The following ITFG1 variants were observed in gnomAD, a reference collection of about 807,000 sequenced individuals.
The protein encoded by ITFG1 is integrin alpha FG-GAP repeat containing 1, also known as T-cell immunomodulatory protein.
A neutral mutation model predicts 81.8 loss-of-function variants in ITFG1; 34 were observed. That is an observed-to-expected ratio of 0.42 (90% CI 0.32 to 0.55). The LOEUF (loss-of-function observed/expected upper bound fraction) is 0.55. Among genes scored for constraint, ITFG1 ranks in the 20% least tolerant of loss-of-function variants. ITFG1 has a pLI of 0.17. For missense variants in ITFG1, 672 were observed against 755.4 expected (o/e 0.89, Z 1.29); for synonymous variants, 285 against 270.6 (o/e 1.05, Z -0.52).
intron 6 of ITFG1, among the ~76,000 whole-genome samples, chr16:47,427,294 T>A (rs1766128441): frequency 6.6e-6 from 1 of 152,168 alleles, no homozygotes; most frequent in African/African-American, 2.4e-5. Context: ...TATCACCTAA[T>A]GAACTGAAAC....
chr16:47,420,200 G>T (rs1411956465), intron 6 of ITFG1, among the ~76,000 whole-genome samples: 2 of 152,192 alleles, frequency 1.3e-5, no homozygotes, highest in African/African-American at 4.8e-5. Context: ...GGCATGAGAA[G>T]ATGCTTGATA....
At chr16:47,297,098 T>G (rs1966993912) in intron 10 of ITFG1, among the ~76,000 whole-genome samples, 1 of 152,174 alleles carries the variant, frequency 6.6e-6, no homozygotes, top group Non-Finnish European at 1.5e-5. Context: ...TGAATCTGGG[T>G]GCTCTGGTGC....
At position 47,217,004 on chromosome 16, in the gene ITFG1, G is replaced by C. The variant is rs796359500; in HGVS notation, c.1453+1864C>G. Among the ~76,000 whole-genome samples the C allele has an allele frequency of 6.7e-4, 102 of 152,168 alleles. 1 individual carries two copies. Among genetic ancestry groups the C allele is most frequent in the African/African-American group, 2.3e-3 (97 of 41,516 alleles). ...TATATGCAAATAGATGTTTACTGTT[G>C]TATTGTTGTATTATAGTAAAACAAA... On this transcript the variant is annotated intron_variant, in intron 14 of 17. Coordinates refer to ENST00000320640, the MANE Select transcript of ITFG1 (RefSeq NM_030790.5).
intron 10 of ITFG1, among the ~76,000 whole-genome samples, chr16:47,301,640 T>C (rs1232992131): frequency 2.0e-5 from 3 of 152,032 alleles, no homozygotes; most frequent in African/African-American, 7.2e-5. Context: ...AAGTGATCCG[T>C]CCACCTCAGC....
intron 16 of ITFG1, chr16:47,161,464 T>C (rs1596774525): frequency 4.8e-6 from 1 of 209,432 alleles, no homozygotes; most frequent in East Asian, 9.6e-5. Context: ...AAAGTTTGAA[T>C]TTATAACTAG....
intron 8 of ITFG1, among the ~76,000 whole-genome samples, chr16:47,319,273 T>C (rs1476647379): frequency 2.0e-5 from 3 of 152,178 alleles, no homozygotes; most frequent in East Asian, 3.8e-4. Flanking sequence ...CAGATAAAAG[T>C]TTTCCAAAAT....
intron 10 of ITFG1, among the ~76,000 whole-genome samples, chr16:47,304,834 C>T (rs1199224221): frequency 6.6e-6 from 1 of 152,002 alleles, no homozygotes; most frequent in Non-Finnish European, 1.5e-5. Flanking sequence ...GCTACTATTC[C>T]TTAGGAGTCA....
chr16:47,164,565 A>C (rs1964861878), intron 14 of ITFG1, among the ~76,000 whole-genome samples: 1 of 152,222 alleles, frequency 6.6e-6, no homozygotes, highest in Non-Finnish European at 1.5e-5. Flanking sequence ...AATATGTTGT[A>C]GCTTTTCAAA....
intron 8 of ITFG1, among the ~76,000 whole-genome samples, chr16:47,345,315 T>G (rs1967837986): frequency 6.6e-6 from 1 of 152,090 alleles, no homozygotes; most frequent in Non-Finnish European, 1.5e-5. Context: ...TTGTTTGTTT[T>G]TTTTAGACAG....
At chr16:47,370,072 C>A (rs1945428932) in intron 7 of ITFG1, among the ~76,000 whole-genome samples, 1 of 151,978 alleles carries the variant, frequency 6.6e-6, no homozygotes, top group Admixed American at 6.6e-5. Context: ...AATCTCCTGA[C>A]CTCGTGATCC....
chr16:47,242,495 T>G (rs1259980469), intron 12 of ITFG1, among the ~76,000 whole-genome samples: 6 of 152,106 alleles, frequency 3.9e-5, no homozygotes, highest in Admixed American at 6.5e-5. Context: ...CTACAGTACA[T>G]TTTATAAATC....
At chr16:47,298,682 G>T (rs1967023350) in intron 10 of ITFG1, among the ~76,000 whole-genome samples, 1 of 152,194 alleles carries the variant, frequency 6.6e-6, no homozygotes, top group Non-Finnish European at 1.5e-5. Flanking sequence ...AGGGTGGCAT[G>T]GGTGATGGTG....
chr16:47,418,059 C>CT (rs1555515583), intron 6 of ITFG1, among the ~76,000 whole-genome samples: 1 of 151,360 alleles, frequency 6.6e-6, no homozygotes, highest in Non-Finnish European at 1.5e-5. Context: ...TTTTTTTGAT[C>CT]TTTTTGATGA....
intron 6 of ITFG1, among the ~76,000 whole-genome samples, chr16:47,377,130 A>C (rs974661649): frequency 6.6e-6 from 1 of 152,092 alleles, no homozygotes; most frequent in Admixed American, 6.6e-5. Context: ...GATGAAGCTA[A>C]TTTATCTAAT....
rs183044518 is a variant in ITFG1, at chr16:47,350,976, T to C, written c.802+14812A>G. On this transcript the variant is annotated intron_variant, in intron 8 of 17. Transcript: ENST00000320640. Reference sequence around the variant, plus strand: ...CAAAGACAAAACCACGTCATTTCAATAGATGCAGAAAAGGCCTTTGACAAA... The same window carrying C: ...CAAAGACAAAACCACGTCATTTCAACAGATGCAGAAAAGGCCTTTGACAAA... Among the ~76,000 whole-genome samples, 9 of 152,198 alleles carry C rather than the reference T, an allele frequency of 5.9e-5. No homozygotes were observed. The East Asian group carries it at 9.7e-4, about 16-fold the overall frequency.
At chr16:47,422,140 C>T (rs780068402) in intron 6 of ITFG1, among the ~76,000 whole-genome samples, 2 of 152,152 alleles carry the variant, frequency 1.3e-5, no homozygotes, top group African/African-American at 2.4e-5. Flanking sequence ...AATAAACATA[C>T]GTGTGCATGT....
intron 6 of ITFG1, among the ~76,000 whole-genome samples, chr16:47,421,270 G>GCACACACACA (rs58232411): frequency 1.4e-4 from 18 of 129,954 alleles, no homozygotes; most frequent in African/African-American, 2.8e-4. Flanking sequence ...ACATACATAT[G>GCACACACACA]CACACACACA....
At chr16:47,313,052 G>C (rs1437366260) in intron 9 of ITFG1, 5 of 152,068 alleles carry the variant, frequency 3.3e-5, no homozygotes, top group African/African-American at 1.2e-4. Context: ...TGAAGCTTTG[G>C]GGGTAGAGAA....
intron 14 of ITFG1, among the ~76,000 whole-genome samples, chr16:47,188,407 T>C (rs1248653616): frequency 6.6e-6 from 1 of 150,712 alleles, no homozygotes; most frequent in Non-Finnish European, 1.5e-5. Flanking sequence ...ATGTGGCACA[T>C]ATACACCATG....
Sources: gnomAD v4.1 joint callset for allele counts (sites outside exome capture counted in the v4.1 genomes callset) on GRCh38, gnomAD v4.1.1 for gene constraint, MANE v1.5 for transcripts, NCBI Gene and HGNC (gene_info 2026-07-23, HGNC 2026-07-21) for gene names.